The following AKAP6 variants were observed in gnomAD, a reference collection of about 807,000 sequenced individuals.
The protein encoded by AKAP6 is A-kinase anchoring protein 6, also known as A-kinase anchor protein 6.
A neutral mutation model predicts 188.5 loss-of-function variants in AKAP6; 58 were observed. The observed-to-expected ratio is 0.31, with a 90% CI of 0.25 to 0.38. AKAP6 has a LOEUF of 0.38. Ranked by LOEUF, AKAP6 falls within the 10% of genes least tolerant of loss-of-function variation. The probability of loss-of-function intolerance (pLI) is 1.00; values close to 1 mark genes in which losing one functional copy is unlikely to be tolerated. For synonymous variants in AKAP6, 989 were observed against 998.6 expected (o/e 0.99, Z 0.18); for missense variants, 2,710 against 2,740.0 (o/e 0.99, Z 0.24).
intron 4 of AKAP6, among the ~76,000 whole-genome samples, chr14:32,567,992 G>A (rs1291407357): frequency 6.6e-6 from 1 of 152,026 alleles, no homozygotes; most frequent in Admixed American, 6.6e-5. Context: ...AAGGAGGGGA[G>A]GGGCTGGAGA....
intron 2 of AKAP6, among the ~76,000 whole-genome samples, chr14:32,446,816 T>G (rs1286439742): frequency 6.6e-6 from 1 of 152,182 alleles, no homozygotes; most frequent in African/African-American, 2.4e-5. Context: ...AGCACAAGGC[T>G]TTATAAAGAC....
intron 4 of AKAP6, among the ~76,000 whole-genome samples, chr14:32,551,374 C>G (rs1883452730): frequency 6.6e-6 from 1 of 151,868 alleles, no homozygotes; most frequent in Non-Finnish European, 1.5e-5. Flanking sequence ...GAGTTTGAGA[C>G]CAGCCTGGCC....
At chr14:32,616,106 A>G (rs966280029) in intron 7 of AKAP6, among the ~76,000 whole-genome samples, 1 of 152,194 alleles carries the variant, frequency 6.6e-6, no homozygotes, top group African/African-American at 2.4e-5. Flanking sequence ...AAAATAACAG[A>G]TGTTAGCAAG....
At chr14:32,459,428 G>T (rs941749) in intron 2 of AKAP6, among the ~76,000 whole-genome samples, 53,309 of 151,882 alleles carry the variant, frequency 0.35, 10,889 homozygotes, top group Non-Finnish European at 0.47. Flanking sequence ...GAGAAAAAGT[G>T]ATAGATACAG....
chr14:32,665,500 C>T (rs1372204067), intron 7 of AKAP6, among the ~76,000 whole-genome samples: 2 of 152,134 alleles, frequency 1.3e-5, no homozygotes, highest in Admixed American at 6.6e-5. Context: ...CATGCCCTTC[C>T]TGGGCGTGTC....
chr14:32,672,732 A>G (rs772806522), intron 7 of AKAP6, among the ~76,000 whole-genome samples: 1 of 152,190 alleles, frequency 6.6e-6, no homozygotes, highest in African/African-American at 2.4e-5. Context: ...CAGAGGTACT[A>G]GTTACTAGAA....
Position 32,822,826 on chromosome 14 carries a change from G to A in AKAP6, c.5013G>A (p.Gln1671=). The A allele has an allele frequency of 5.0e-6, 8 of 1,613,996 alleles. No individual in the cohort carries two copies. The highest frequency in any genetic ancestry group is 6.8e-6 in the Non-Finnish European group (8 of 1,179,934). ...CCCAAAAGATGTCCTTTACTGGCCA[G>A]ATGTCATTGGACATAGCATCTTCTA... ...SSSQKMSFTG[Q]MSLDIASSIN... The change falls in exon 13 of 14, where the codon CAG becomes CAA. Residue 1671 remains glutamine, a synonymous_variant. Coordinates refer to ENST00000280979, the MANE Select transcript of AKAP6 (RefSeq NM_004274.5).
chr14:32,602,137 C>T (rs546557601), intron 7 of AKAP6, among the ~76,000 whole-genome samples: 6 of 150,042 alleles, frequency 4.0e-5, no homozygotes, highest in Non-Finnish European at 7.4e-5. Flanking sequence ...AGGGCAAACT[C>T]GGAGCTATTT....
chr14:32,433,883 T>C, intron 2 of AKAP6, 66 bp downstream of exon 2: 2 of 1,454,268 alleles, frequency 1.4e-6, no homozygotes, highest in Non-Finnish European at 1.9e-6. Flanking sequence ...CTAGAGACTG[T>C]GTTCTGTAAT....
At chr14:32,586,804 T>G (rs537846069) in intron 5 of AKAP6, among the ~76,000 whole-genome samples, 1 of 152,350 alleles carries the variant, frequency 6.6e-6, no homozygotes, top group Non-Finnish European at 1.5e-5. Context: ...AAATTTAGGT[T>G]GTTTACAGTC....
intron 3 of AKAP6, among the ~76,000 whole-genome samples, chr14:32,541,866 G>A: frequency 6.6e-6 from 1 of 152,152 alleles, no homozygotes; most frequent in East Asian, 1.9e-4. Flanking sequence ...GTTCAGTTAT[G>A]AAGCACAAAA....
At chr14:32,539,672 C>A (rs989916960) in intron 3 of AKAP6, among the ~76,000 whole-genome samples, 1 of 152,132 alleles carries the variant, frequency 6.6e-6, no homozygotes, top group Non-Finnish European at 1.5e-5. Context: ...CTCTTAAGAA[C>A]TATTAATATT....
Position 32,829,998 on chromosome 14 carries a change from T to C in AKAP6, c.*193T>C, listed in dbSNP as rs1477301052. On this transcript the variant is annotated 3_prime_UTR_variant, in exon 14 of 14. Transcript: ENST00000280979. ...TGTTTTCTCCACACAAGCCTTGTGA[T>C]CTGAATGTGTGCGCTGGTTCTCTTT... 2 of 702,500 alleles carry C rather than the reference T, an allele frequency of 2.8e-6. No individual in the cohort carries two copies. Among genetic ancestry groups the C allele is most frequent in the African/African-American group, 3.5e-5 (2 of 57,344 alleles). The allele number at this position is 702,500 out of a possible 1,614,324, so 43.5% of individuals were successfully genotyped here. A position where few individuals can be genotyped will look rare whatever the true frequency, so the allele number is the denominator to read the frequency against.
intron 12 of AKAP6, among the ~76,000 whole-genome samples, chr14:32,815,359 A>G (rs1481423477): frequency 6.6e-6 from 1 of 152,222 alleles, no homozygotes; most frequent in East Asian, 1.9e-4. Flanking sequence ...ATTGTTGTCA[A>G]TCTGATAGAT....
intron 2 of AKAP6, among the ~76,000 whole-genome samples, chr14:32,512,930 T>C (rs978343217): frequency 2.6e-5 from 4 of 152,214 alleles, no homozygotes; most frequent in African/African-American, 9.6e-5. Context: ...ATAAACTAAT[T>C]AGCAAAAATT....
In AKAP6 at chr14:32,821,667, T is replaced by C; in HGVS notation, c.3854T>C (p.Ile1285Thr). The C allele has an allele frequency of 1.2e-6, 2 of 1,613,670 alleles. No homozygotes were observed. Among genetic ancestry groups the C allele is most frequent in the Non-Finnish European group, 1.7e-6 (2 of 1,179,892 alleles). ...SNITAPSSPH[I>T]YQVYSLHNVE... ...ATTACTGCCCCCTCTAGTCCACACATTTACCAGGTGTACAGCCTCCACAAT... is the reference window on the plus strand; with the variant it reads ...ATTACTGCCCCCTCTAGTCCACACACTTACCAGGTGTACAGCCTCCACAAT... The change falls in exon 13 of 14, where the codon ATT (isoleucine) becomes ACT (threonine). Residue 1285 changes from isoleucine to threonine, a missense_variant. Transcript: ENST00000280979.
At chr14:32,570,562 G>A (rs1040225757) in intron 4 of AKAP6, among the ~76,000 whole-genome samples, 7 of 152,120 alleles carry the variant, frequency 4.6e-5, no homozygotes, top group African/African-American at 1.7e-4. Flanking sequence ...AATTAGGAAT[G>A]ATTTTTTTTA....
At chr14:32,715,863 G>C (rs79995038) in intron 9 of AKAP6, among the ~76,000 whole-genome samples, 1 of 151,854 alleles carries the variant, frequency 6.6e-6, no homozygotes, top group Admixed American at 6.6e-5. Context: ...TGGCATAAAA[G>C]AGATGAGAAA....
At chr14:32,562,302 G>A (rs150114744) in intron 4 of AKAP6, among the ~76,000 whole-genome samples, 3 of 152,130 alleles carry the variant, frequency 2.0e-5, no homozygotes, top group Admixed American at 6.5e-5. Flanking sequence ...TGAGAAAGGC[G>A]TATGTGTGTG....
Sources: allele counts gnomAD v4.1 joint callset (sites outside exome capture counted in the v4.1 genomes callset), GRCh38; gene constraint gnomAD v4.1.1; transcripts MANE v1.5; gene names NCBI Gene and HGNC (gene_info 2026-07-23, HGNC 2026-07-21).